Variants in DNAI3 observed in about 807,000 individuals in gnomAD.
DNAI3 encodes the protein WD repeat domain 63.
DNAI3 carries 83 observed loss-of-function variants against 115.5 expected under a neutral mutation model. The ratio of observed to expected loss-of-function variants is 0.72; its 90% CI spans 0.60 to 0.86. The LOEUF (loss-of-function observed/expected upper bound fraction) is 0.86. DNAI3 is among the 40% of genes least tolerant of loss of function. The pLI is 0.00. For synonymous variants in DNAI3, 320 were observed against 347.0 expected (o/e 0.92, Z 0.86); for missense variants, 1,004 against 1,075.8 (o/e 0.93, Z 0.93).
chr1:85,064,521 T>C (rs745313606), intron 1 of DNAI3, among the ~76,000 whole-genome samples: 1 of 152,218 alleles, frequency 6.6e-6, no homozygotes, highest in African/African-American at 2.4e-5. Context: ...AATCAATAGT[T>C]CTTGCAGACG....
chr1:85,088,341 A>C (rs939112224), intron 7 of DNAI3, among the ~76,000 whole-genome samples: 6 of 152,100 alleles, frequency 3.9e-5, no homozygotes, highest in African/African-American at 1.4e-4. Flanking sequence ...TGACCCACAA[A>C]ATGAAAAAAC....
At chr1:85,078,949 G>C (rs746657878) in intron 3 of DNAI3, among the ~76,000 whole-genome samples, 1 of 152,232 alleles carries the variant, frequency 6.6e-6, no homozygotes, top group Non-Finnish European at 1.5e-5. Context: ...AATTCGAAGT[G>C]TGTGTTTAGT....
Position 85,090,233 on chromosome 1 carries a change from G to A in DNAI3, c.857+1G>A. 1 of 1,499,704 alleles carries A rather than the reference G, an allele frequency of 6.7e-7. No homozygotes were observed. Among genetic ancestry groups the A allele is most frequent in the Non-Finnish European group, 9.0e-7 (1 of 1,109,024 alleles). 92.9% of individuals were successfully genotyped at this position (1,499,704 alleles called of 1,614,324 possible). ...ATTTTCTTAACAATGCATCCATAAG[G>A]TAAAAAATTGCATATTAAATTTTAA... On this transcript the variant is annotated splice_donor_variant, in intron 8 of 22. Transcript: ENST00000294664. LOFTEE classifies it high-confidence loss of function.
chr1:85,081,251 C>T lies in DNAI3; in HGVS notation c.121C>T (p.Pro41Ser). The T allele has an allele frequency of 6.3e-7, 1 of 1,581,416 alleles. No homozygotes were observed. The highest frequency in any genetic ancestry group is 8.5e-7 in the Non-Finnish European group (1 of 1,170,720). ...MESMGHPEIYPLVLTTKTQEI... is the reference protein window; with the variant it reads ...MESMGHPEIYSLVLTTKTQEI... Reference sequence around the variant, plus strand: ...TTTCCTAGGTCATCCAGAAATTTATCCTTTAGTATTAACCACCAAGACCCA... The same window carrying T: ...TTTCCTAGGTCATCCAGAAATTTATTCTTTAGTATTAACCACCAAGACCCA... Residue 41 changes from proline (P) to serine (S), a missense_variant, in exon 4 of 23, where the codon CCT (proline) becomes TCT (serine). Pro to Ser is a moderately conservative substitution (Grantham distance 74). This residue lies in a region of DNAI3 where 550 missense variants were observed against 568.1 expected (regional missense o/e 0.97). Transcript: ENST00000294664.
chr1:85,110,844 T>A (rs1370541497), intron 16 of DNAI3, among the ~76,000 whole-genome samples: 1 of 152,134 alleles, frequency 6.6e-6, no homozygotes, highest in African/African-American at 2.4e-5. Flanking sequence ...CCATTCTCAA[T>A]TAGAATATAA....
intron 3 of DNAI3, among the ~76,000 whole-genome samples, chr1:85,078,964 G>T (rs1654545481): frequency 6.6e-6 from 1 of 152,224 alleles, no homozygotes; most frequent in Non-Finnish European, 1.5e-5. Flanking sequence ...TTTAGTAGGG[G>T]CAGATAACAT....
At chr1:85,117,247 T>A (rs956418851) in intron 16 of DNAI3, among the ~76,000 whole-genome samples, 26 of 152,090 alleles carry the variant, frequency 1.7e-4, no homozygotes, top group East Asian at 1.2e-3. Flanking sequence ...TCCAGTTTTT[T>A]AAAAAAAAGT....
rs866553669 is a variant in DNAI3 at position 85,070,090 on chromosome 1, G to A, written c.-14-1838G>A. Among the ~76,000 whole-genome samples the A allele has an allele frequency of 1.2e-4, 18 of 151,924 alleles. 1 individual carries two copies. The highest frequency in any genetic ancestry group is 1.0e-3 in the South Asian group (5 of 4,808). ...AGCCTGGCCAATATGGTGAAGCCCC[G>A]TCTCTACTAAAAATACAAAAATTAG... On this transcript the variant is annotated intron_variant, in intron 1 of 22. Coordinates refer to ENST00000294664, the MANE Select transcript of DNAI3 (RefSeq NM_145172.5).
chr1:85,078,557 C>A (rs1252143800), intron 3 of DNAI3, among the ~76,000 whole-genome samples: 1 of 152,232 alleles, frequency 6.6e-6, no homozygotes, highest in Non-Finnish European at 1.5e-5. Flanking sequence ...GAGCCCATCT[C>A]ATTGCTGATC....
Position 85,085,856 on chromosome 1 carries a change from G to T in DNAI3, c.566G>T (p.Arg189Leu), listed in dbSNP as rs145219148. 1.1e-5 allele frequency: 17 copies of T among 1,614,090 alleles called. No individual in the cohort carries two copies. The highest frequency in any genetic ancestry group is 1.4e-5 in the Non-Finnish European group (16 of 1,179,990). ...ATTACATATATGATTTCTCGAAAAC[G>T]AAGTGAATTTGGTGCACCAATTAAG... ...KQITYMISRK[R>L]SEFGAPIKFS... Residue 189 changes from arginine to leucine, a missense_variant, in exon 7 of 23, where the codon CGA becomes CTA. Arg to Leu is a moderately radical substitution (Grantham distance 102, BLOSUM62 -2). Around this residue, in one of 3 missense-constraint regions of DNAI3, gnomAD observed 550 missense variants for 568.1 expected, o/e 0.97. Transcript: ENST00000294664.
chr1:85,094,614 C>A (rs1157444727), intron 10 of DNAI3, 59 bp downstream of exon 10: 8 of 1,576,180 alleles, frequency 5.1e-6, no homozygotes, highest in Non-Finnish European at 6.0e-6. Context: ...TCATGTATAC[C>A]TTTAGCAGTT....
rs1329641136 is a variant in DNAI3 at position 85,105,533 on chromosome 1, AAAAAAAAAGAAAAAG to A, written c.1553+942_1553+956del. ...ACAAGAGTGAAACTCTGTCTCAAAA[AAAAAAAAAGAAAAAG>A]AAAAAGAAAGAAAGAAAAGAAAATA... On this transcript the variant is annotated intron_variant, in intron 14 of 22. Transcript: ENST00000294664. Among the ~76,000 whole-genome samples, 144 of 137,908 alleles carry A rather than the reference AAAAAAAAAGAAAAAG, an allele frequency of 1.0e-3. 1 individual carries two copies. The highest frequency in any genetic ancestry group is 3.7e-3 in the African/African-American group (134 of 35,884). The allele number at this position is 137,908 out of a possible 152,430, so 90.5% of individuals were successfully genotyped here.
At chr1:85,087,456 A>AAAAAG (rs1654834930) in intron 7 of DNAI3, among the ~76,000 whole-genome samples, 1 of 149,792 alleles carries the variant, frequency 6.7e-6, no homozygotes, top group African/African-American at 2.5e-5. Flanking sequence ...AAAAAAAAAA[A>AAAAAG]AAAGAAAGAA....
intron 16 of DNAI3, among the ~76,000 whole-genome samples, chr1:85,116,944 A>T (rs1655837960): frequency 6.6e-6 from 1 of 152,122 alleles, no homozygotes; most frequent in African/African-American, 2.4e-5. Flanking sequence ...AGTTTTTTTT[A>T]AATGTAATAT....
chr1:85,092,827 A>ACACACACG (rs1557714333), intron 8 of DNAI3, among the ~76,000 whole-genome samples: 20 of 149,708 alleles, frequency 1.3e-4, no homozygotes, highest in Non-Finnish European at 1.8e-4. Flanking sequence ...ACACACACAC[A>ACACACACG]CACACACACT....
intron 5 of DNAI3, among the ~76,000 whole-genome samples, chr1:85,084,173 A>ATATGTG (rs10679646): frequency 7.9e-4 from 111 of 139,930 alleles, no homozygotes; most frequent in Middle Eastern, 5.4e-3. Context: ...GTATATATAT[A>ATATGTG]TGTGTGTGTG....
intron 13 of DNAI3, among the ~76,000 whole-genome samples, chr1:85,103,526 G>T (rs187363779): frequency 6.6e-6 from 1 of 152,156 alleles, no homozygotes; most frequent in Non-Finnish European, 1.5e-5. Flanking sequence ...AACTGACAGA[G>T]CCTACATTTC....
At chr1:85,124,698 T>C (rs1190731074) in intron 19 of DNAI3, among the ~76,000 whole-genome samples, 2 of 152,086 alleles carry the variant, frequency 1.3e-5, no homozygotes, top group Admixed American at 1.3e-4. Flanking sequence ...GCCCAGCTTT[T>C]TTGTGTGTGT....
chr1:85,130,012 T>C lies in DNAI3; in HGVS notation c.2432T>C (p.Phe811Ser). 6.2e-7 allele frequency: 1 copy of C among 1,612,888 alleles called. No individual in the cohort carries two copies. The highest frequency in any genetic ancestry group is 1.1e-5 in the South Asian group (1 of 90,632). ...CAGATGGCAAGTGTCAACCACTATT[T>C]TGAAAGAGAAGTCAAGCATCTGGAA... ...TNEMASVNHY[F>S]EREVKHLEYV... The change falls in exon 22 of 23, where the codon TTT becomes TCT. Residue 811 changes from phenylalanine to serine, a missense_variant. By Grantham distance (155) the Phe-to-Ser change is radical. Around this residue, in one of 3 missense-constraint regions of DNAI3, gnomAD observed 429 missense variants for 454.3 expected, o/e 0.94. Coordinates refer to ENST00000294664, the MANE Select transcript of DNAI3 (RefSeq NM_145172.5).
Sources: gnomAD v4.1 joint callset for allele counts (sites outside exome capture counted in the v4.1 genomes callset) on GRCh38, gnomAD v4.1.1 for gene constraint, gnomAD v4.1.1 regional missense constraint, MANE v1.5 for transcripts, NCBI Gene and HGNC (gene_info 2026-07-23, HGNC 2026-07-21) for gene names.